The following XKR6 variants were observed in gnomAD, a reference collection of about 807,000 sequenced individuals.
XKR6 encodes the protein XK related 6.
XKR6 carries 22 observed loss-of-function variants against 56.7 expected under a neutral mutation model. That is an observed-to-expected ratio of 0.39 (90% CI 0.28 to 0.55). The LOEUF (loss-of-function observed/expected upper bound fraction) is 0.55. Ranked by LOEUF, XKR6 falls within the 20% of genes least tolerant of loss-of-function variation. The pLI, the probability that XKR6 is intolerant of heterozygous loss-of-function variation, is 0.66. For synonymous variants in XKR6, 524 were observed against 387.8 expected, an observed-to-expected ratio of 1.35 and a Z score of -4.13; for missense variants, 852 against 889.0, an observed-to-expected ratio of 0.96 and a Z score of 0.53.
intron 1 of XKR6, among the ~76,000 whole-genome samples, chr8:11,178,829 C>G (rs1348599733): frequency 1.3e-5 from 2 of 150,732 alleles, no homozygotes; most frequent in Non-Finnish European, 3.0e-5. Context: ...CAAGTGAACT[C>G]TTCTTCCCTT....
intron 1 of XKR6, among the ~76,000 whole-genome samples, chr8:11,188,590 T>C (rs539829006): frequency 9.2e-5 from 14 of 152,230 alleles, no homozygotes; most frequent in Non-Finnish European, 1.5e-4. Context: ...GACATCATCT[T>C]TTCCTTCAGA....
At chr8:11,181,710 C>A (rs1802990851) in intron 1 of XKR6, among the ~76,000 whole-genome samples, 1 of 152,158 alleles carries the variant, frequency 6.6e-6, no homozygotes, top group Non-Finnish European at 1.5e-5. Context: ...AGGTAGTGAG[C>A]CAGGCAGAAA....
intron 1 of XKR6, among the ~76,000 whole-genome samples, chr8:11,004,167 A>G (rs1375109908): frequency 6.7e-6 from 1 of 150,014 alleles, no homozygotes; most frequent in Non-Finnish European, 1.5e-5. Flanking sequence ...GAAATGCTCA[A>G]GTCTATGTTA....
At chr8:10,947,066 A>T (rs1264134233) in intron 1 of XKR6, among the ~76,000 whole-genome samples, 1 of 152,108 alleles carries the variant, frequency 6.6e-6, no homozygotes, top group African/African-American at 2.4e-5. Flanking sequence ...GGATCGGATG[A>T]CATATCAGGA....
intron 1 of XKR6, among the ~76,000 whole-genome samples, chr8:11,070,778 C>G (rs561457585): frequency 2.4e-4 from 36 of 152,288 alleles, no homozygotes; most frequent in African/African-American, 6.3e-4. Context: ...ATTTAGAGAT[C>G]GTGAATCAAT....
intron 1 of XKR6, among the ~76,000 whole-genome samples, chr8:11,164,578 A>C (rs1413708377): frequency 2.0e-5 from 3 of 152,272 alleles, no homozygotes; most frequent in African/African-American, 7.2e-5. Flanking sequence ...GTCACTTTCA[A>C]AAGCATTACA....
At chr8:11,111,587 A>G (rs1434317976) in intron 1 of XKR6, 2 of 152,220 alleles carry the variant, frequency 1.3e-5, no homozygotes, top group East Asian at 3.8e-4. Flanking sequence ...GAATAGGCAT[A>G]GGAGGAATTA....
chr8:11,016,150 C>A (rs1195324190), intron 1 of XKR6, among the ~76,000 whole-genome samples: 1 of 152,208 alleles, frequency 6.6e-6, no homozygotes. Flanking sequence ...GGGTGCAGCT[C>A]CCCTGGCACA....
At chr8:11,193,370 G>A (rs1317770186) in intron 1 of XKR6, among the ~76,000 whole-genome samples, 1 of 152,122 alleles carries the variant, frequency 6.6e-6, no homozygotes, top group Non-Finnish European at 1.5e-5. Flanking sequence ...AAATACCATA[G>A]GGTGCTGTAG....
At chr8:10,972,575 C>T (rs1802439488) in intron 1 of XKR6, among the ~76,000 whole-genome samples, 1 of 152,158 alleles carries the variant, frequency 6.6e-6, no homozygotes. Context: ...ATGGGTAGAC[C>T]TTGAGGGCAT....
chr8:11,174,217 T>C (rs553882916), intron 1 of XKR6, among the ~76,000 whole-genome samples: 12 of 152,340 alleles, frequency 7.9e-5, no homozygotes, highest in Non-Finnish European at 1.8e-4. Flanking sequence ...GAACCTCAAA[T>C]TGCATTAGGA....
chr8:11,198,911 C>A (rs1422983577), intron 1 of XKR6, among the ~76,000 whole-genome samples: 1 of 151,682 alleles, frequency 6.6e-6, no homozygotes, highest in Non-Finnish European at 1.5e-5. Flanking sequence ...CAACCCCCAG[C>A]CCCCGCCCAA....
chr8:11,108,700 G>T, intron 1 of XKR6: 1 of 204,038 alleles, frequency 4.9e-6, no homozygotes, highest in Non-Finnish European at 9.8e-6. Context: ...AAGATCTGAT[G>T]CTCCATTCCA....
intron 1 of XKR6, among the ~76,000 whole-genome samples, chr8:11,198,633 T>A (rs1157094595): frequency 1.3e-5 from 2 of 152,194 alleles, no homozygotes; most frequent in African/African-American, 4.8e-5. Context: ...AATTAACATT[T>A]AGGTGAATGG....
At chr8:10,954,886 T>TTTTTTTTTTTTTTTTTTTTTTTC (rs1801834290) in intron 1 of XKR6, among the ~76,000 whole-genome samples, 1 of 147,424 alleles carries the variant, frequency 6.8e-6, no homozygotes, top group Non-Finnish European at 1.5e-5. Context: ...TTTTTTTTTT[T>TTTTTTTTTTTTTTTTTTTTTTTC]AGACAGAGTT....
chr8:11,096,646 T>C (rs1407236557), intron 1 of XKR6, among the ~76,000 whole-genome samples: 1 of 152,200 alleles, frequency 6.6e-6, no homozygotes, highest in South Asian at 2.1e-4. Context: ...CTGGAAAAAG[T>C]AACCATGAGA....
At chr8:10,907,911 C>T (rs541249500) in intron 2 of XKR6, among the ~76,000 whole-genome samples, 1 of 152,220 alleles carries the variant, frequency 6.6e-6, no homozygotes, top group African/African-American at 2.4e-5. Context: ...GCCGGAATGG[C>T]CTCCTAACTG....
At chr8:10,938,106 C>T (rs974917722) in intron 1 of XKR6, among the ~76,000 whole-genome samples, 16 of 152,154 alleles carry the variant, frequency 1.1e-4, no homozygotes, top group African/African-American at 3.6e-4. Flanking sequence ...TCTCGTGATG[C>T]GCCGTTTTTT....
chr8:11,105,079 C>G (rs1166896272), intron 1 of XKR6: 1 of 152,044 alleles, frequency 6.6e-6, no homozygotes, highest in Non-Finnish European at 1.5e-5. Context: ...TCTTGGACAC[C>G]CTGGTTAATG....
Sources: gnomAD v4.1 joint callset for allele counts (sites outside exome capture counted in the v4.1 genomes callset) on GRCh38, gnomAD v4.1.1 for gene constraint, MANE v1.5 for transcripts, NCBI Gene and HGNC (gene_info 2026-07-23, HGNC 2026-07-21) for gene names.